LAMC3: variants seen among roughly 807,000 people sequenced by gnomAD.
LAMC3 encodes laminin subunit gamma-3.
LAMC3 carries 128 observed loss-of-function variants against 173.8 expected under a neutral mutation model. The observed-to-expected ratio is 0.74, with a 90% CI of 0.64 to 0.85. LAMC3 has a LOEUF of 0.85. Among genes scored for constraint, LAMC3 ranks in the 40% least tolerant of loss-of-function variants. The probability of loss-of-function intolerance (pLI) is 0.00; values close to 1 mark genes in which losing one functional copy is unlikely to be tolerated. For synonymous variants in LAMC3, 897 were observed against 909.1 expected (o/e 0.99, Z 0.24); for missense variants, 2,022 against 2,156.0 (o/e 0.94, Z 1.23).
chr9:131,039,506 C>T (rs1285430499), intron 6 of LAMC3, among the ~76,000 whole-genome samples: 1 of 151,608 alleles, frequency 6.6e-6, no homozygotes, highest in Non-Finnish European at 1.5e-5. Context: ...GGAGGTGCTG[C>T]ATAAGTGCAG....
rs767954158 is a variant in LAMC3, at chr9:131,036,288, G to A, written c.932G>A (p.Arg311His). The part of the protein sequence containing the change: ...CERCLPFFQD[R>H]PWARGTAEAA... ...CGCTGCCTGCCCTTCTTCCAGGACC[G>A]CCCGTGGGCCCGGGGCACCGCCGAG... is the stretch of plus-strand genomic sequence containing the variant. The change falls in exon 4 of 28, where the codon CGC becomes CAC. Residue 311 changes from arginine to histidine, a missense_variant. Physicochemically the swap from Arg to His is conservative, Grantham distance 29. Coordinates refer to ENST00000361069, the MANE Select transcript of LAMC3 (RefSeq NM_006059.4). 24 of 1,613,140 alleles carry A rather than the reference G, an allele frequency of 1.5e-5. No homozygotes were observed. In the East Asian group the frequency reaches 2.5e-4, roughly 16 times the overall value.
intron 1 of LAMC3, among the ~76,000 whole-genome samples, chr9:131,022,728 T>A (rs1833649602): frequency 6.6e-6 from 1 of 151,902 alleles, no homozygotes; most frequent in African/African-American, 2.4e-5. Context: ...GCTAATTTTT[T>A]AATTTGTTCT....
chr9:131,034,474 ACAGAGGG>A (rs2133243209), intron 3 of LAMC3, among the ~76,000 whole-genome samples: 1 of 152,366 alleles, frequency 6.6e-6, no homozygotes, highest in South Asian at 2.1e-4. Flanking sequence ...GTCAACATCC[ACAGAGGG>A]CAGAGCGTGG....
At chr9:131,027,757 G>T (rs1177575481) in intron 2 of LAMC3, among the ~76,000 whole-genome samples, 1 of 152,240 alleles carries the variant, frequency 6.6e-6, no homozygotes, top group African/African-American at 2.4e-5. Context: ...CACGTAGAGC[G>T]TGCCCACCCA....
intron 1 of LAMC3, among the ~76,000 whole-genome samples, chr9:131,024,297 C>G (rs1833681974): frequency 6.6e-6 from 1 of 151,984 alleles, no homozygotes; most frequent in African/African-American, 2.4e-5. Flanking sequence ...AGGCGCCCAC[C>G]ACCACACCTG....
intron 14 of LAMC3, among the ~76,000 whole-genome samples, chr9:131,067,756 A>G (rs1452272875): frequency 6.7e-6 from 1 of 148,420 alleles, no homozygotes; most frequent in Non-Finnish European, 1.5e-5. Flanking sequence ...GGGTCACGGG[A>G]CCCAGAGCCA....
intron 13 of LAMC3, among the ~76,000 whole-genome samples, chr9:131,062,689 C>T (rs1829853990): frequency 1.3e-5 from 2 of 151,742 alleles, no homozygotes; most frequent in African/African-American, 4.8e-5. Flanking sequence ...GCCAACGTGG[C>T]AAAACCTCGT....
intron 1 of LAMC3, among the ~76,000 whole-genome samples, chr9:131,012,829 A>G (rs1181174376): frequency 6.6e-6 from 1 of 152,116 alleles, no homozygotes; most frequent in Non-Finnish European, 1.5e-5. Context: ...CCTAGAGGGA[A>G]TGGGGTGAGG....
At chr9:131,052,217 A>G (rs111620120) in intron 9 of LAMC3, among the ~76,000 whole-genome samples, 28 of 152,280 alleles carry the variant, frequency 1.8e-4, no homozygotes, top group African/African-American at 6.3e-4. Flanking sequence ...TCCGTGTTCC[A>G]TCGGACGTCA....
intron 7 of LAMC3, among the ~76,000 whole-genome samples, chr9:131,043,492 G>A (rs1178906143): frequency 1.3e-5 from 2 of 152,174 alleles, no homozygotes; most frequent in African/African-American, 2.4e-5. Flanking sequence ...AAACCAGAAC[G>A]TGGGCCCATG....
At position 131,087,637 on chromosome 9, in the gene LAMC3, G is replaced by T. The variant is rs766634830; in HGVS notation, c.4377+15G>T. 11 of 1,613,674 alleles carry T rather than the reference G, an allele frequency of 6.8e-6. No individual in the cohort carries two copies. In the South Asian group the frequency reaches 1.2e-4, roughly 18 times the overall value. On this transcript the variant is annotated intron_variant, in intron 26 of 27. Coordinates refer to ENST00000361069, the MANE Select transcript of LAMC3 (RefSeq NM_006059.4). Reference sequence around the variant, plus strand: ...AAGCTGAGCGGGTACGTTTGCCAGGGCCCCTACCCTATCGCCTCCTGCCCC... The same window carrying T: ...AAGCTGAGCGGGTACGTTTGCCAGGTCCCCTACCCTATCGCCTCCTGCCCC...
At chr9:131,046,639 A>G (rs1287700404) in intron 8 of LAMC3, among the ~76,000 whole-genome samples, 1 of 140,442 alleles carries the variant, frequency 7.1e-6, no homozygotes, top group Non-Finnish European at 1.5e-5. Context: ...TGCTGGGATT[A>G]TGAGTGTCCG....
rs768143050 is a variant in LAMC3, at chr9:131,032,114, A to G, written c.748A>G (p.Lys250Glu). The stretch of plus-strand genomic sequence containing the variant: ...CAACACGTTTGGGGACGACATCTTC[A>G]AGGACCCCAAGGTGCTCCAGTCCTA... ...RLNTFGDDIF[K>E]DPKVLQSYYY... The change falls in exon 3 of 28, where the codon AAG (lysine) becomes GAG (glutamate). Residue 250 changes from lysine to glutamate, a missense_variant. Lys to Glu is a moderately conservative substitution (Grantham distance 56, BLOSUM62 1). Coordinates refer to ENST00000361069, the MANE Select transcript of LAMC3 (RefSeq NM_006059.4). 1.7e-5 allele frequency: 28 copies of G among 1,613,636 alleles called. No homozygotes were observed. The highest frequency in any genetic ancestry group is 2.3e-5 in the Non-Finnish European group (27 of 1,179,964).
At position 131,069,713 on chromosome 9, in the gene LAMC3, C is replaced by T. The variant is rs749734506; in HGVS notation, c.2932C>T (p.His978Tyr). 6.2e-7 allele frequency: 1 copy of T among 1,604,478 alleles called. No individual in the cohort carries two copies. The highest frequency in any genetic ancestry group is 1.1e-5 in the South Asian group (1 of 89,214). The change falls in exon 17 of 28, where the codon CAC (histidine) becomes TAC (tyrosine). Residue 978 changes from histidine (H) to tyrosine (Y), a missense_variant. Physicochemically the swap from His to Tyr is moderately conservative, Grantham distance 83 (BLOSUM62 2). Transcript: ENST00000361069. ...SPLGAASAQC[H>Y]ENGTCVCRPG... The stretch of plus-strand genomic sequence containing the variant: ...ACTGGGCGCTGCCTCGGCCCAGTGC[C>T]ACGAGAACGGCACATGCGTGTGCAG...
Position 131,077,066 on chromosome 9 carries a change from G to A in LAMC3, c.3630-121G>A. ...AGGCAGCTGTACCTACCCCGCAGAGGGCTATTCTGCCTGGGAAGTTGGCAG... is the reference window on the plus strand; with the variant it reads ...AGGCAGCTGTACCTACCCCGCAGAGAGCTATTCTGCCTGGGAAGTTGGCAG... On this transcript the variant is annotated intron_variant, in intron 21 of 27. Transcript: ENST00000361069. 10 of 1,323,952 alleles carry A rather than the reference G, an allele frequency of 7.6e-6. 1 individual carries two copies. Among genetic ancestry groups the A allele is most frequent in the Middle Eastern group, 2.0e-4 (1 of 4,892 alleles). The allele number at this position is 1,323,952 out of a possible 1,614,324, so 82.0% of individuals were successfully genotyped here. A position where few individuals can be genotyped will look rare whatever the true frequency, so the allele number is the denominator to read the frequency against.
chr9:131,075,112 T>C (rs1433001984), intron 20 of LAMC3, among the ~76,000 whole-genome samples: 2 of 150,618 alleles, frequency 1.3e-5, no homozygotes, highest in African/African-American at 4.9e-5. Flanking sequence ...AAAAATAATT[T>C]TAAAAATTAG....
Position 131,065,904 on chromosome 9 carries a change from G to A in LAMC3, c.2348-1056G>A, listed in dbSNP as rs75793077. Among the ~76,000 whole-genome samples, 338 of 150,096 alleles carry A rather than the reference G, an allele frequency of 2.3e-3. 1 individual carries two copies. The highest frequency in any genetic ancestry group is 8.4e-3 in the African/African-American group (332 of 39,710). On this transcript the variant is annotated intron_variant, in intron 13 of 27. Transcript: ENST00000361069. ...GGTTAGTGGTCAAGATGATGATGAA[G>A]ATGATGGTCAGGATGATGATGAAGG...
chr9:131,074,839 A>C (rs1830095787), intron 20 of LAMC3, among the ~76,000 whole-genome samples: 5 of 152,204 alleles, frequency 3.3e-5, no homozygotes, highest in Admixed American at 2.6e-4. Flanking sequence ...GAATTTCCTA[A>C]GGACACACAG....
chr9:131,049,747 C>T (rs1425196615), intron 9 of LAMC3, among the ~76,000 whole-genome samples: 2 of 152,202 alleles, frequency 1.3e-5, no homozygotes, highest in African/African-American at 4.8e-5. Flanking sequence ...ATCTGTGTTT[C>T]CCATCAGCCC....
Sources: allele counts gnomAD v4.1 joint callset (sites outside exome capture counted in the v4.1 genomes callset), GRCh38; gene constraint gnomAD v4.1.1; transcripts MANE v1.5; gene names NCBI Gene and HGNC (gene_info 2026-07-23, HGNC 2026-07-21).